The following SMAD6 variants were observed in gnomAD, a reference collection of about 807,000 sequenced individuals.
SMAD6 encodes MAD homolog 6.
A neutral mutation model predicts 39.4 loss-of-function variants in SMAD6; 103 were observed. The ratio of observed to expected loss-of-function variants is 2.62; its 90% CI spans 2.23 to 3.08. The LOEUF (loss-of-function observed/expected upper bound fraction) is 3.08, where lower values mean the gene tolerates loss of function less well. Ranked by LOEUF, SMAD6 falls within the 30% of genes most tolerant of loss-of-function variation. SMAD6 has a pLI of 0.00. For synonymous variants in SMAD6, 445 were observed against 353.3 expected (o/e 1.26, Z -2.91); for missense variants, 1,104 against 742.9 (o/e 1.49, Z -5.65).
In SMAD6 at chr15:66,774,833, ATTTATTTTATTTTATTTTATTTTAT is replaced by A. The variant is rs61441715; in HGVS notation, c.953-6145_953-6121del. Among the ~76,000 whole-genome samples the A allele has an allele frequency of 0.014, 2,031 of 146,174 alleles. 113 individuals carry two copies. In the East Asian group the frequency reaches 0.18, roughly 13 times the overall value. ...CTCCCCAGGGGTAACCACTATTCTG[ATTTATTTTATTTTATTTTATTTTAT>A]TTTATTTTATTTTATTTTTTGAGAC... On this transcript the variant is annotated intron_variant, in intron 3 of 3. Coordinates refer to ENST00000288840, the MANE Select transcript of SMAD6 (RefSeq NM_005585.5).
intron 3 of SMAD6, among the ~76,000 whole-genome samples, chr15:66,739,990 C>T (rs980908928): frequency 3.3e-5 from 5 of 152,158 alleles, no homozygotes; most frequent in Admixed American, 1.3e-4. Context: ...CTCAGCATTA[C>T]GTAAATATTT....
chr15:66,758,502 C>T (rs549651956), intron 3 of SMAD6, among the ~76,000 whole-genome samples: 18 of 152,244 alleles, frequency 1.2e-4, no homozygotes, highest in South Asian at 6.2e-4. Context: ...CCGAGGTGGA[C>T]GGATCATCTG....
At chr15:66,757,166 G>A (rs1894115182) in intron 3 of SMAD6, among the ~76,000 whole-genome samples, 1 of 152,110 alleles carries the variant, frequency 6.6e-6, no homozygotes, top group Admixed American at 6.5e-5. Context: ...TAATAGAGCG[G>A]GCTGGTGTGA....
chr15:66,748,025 A>G (rs112677596), intron 3 of SMAD6, among the ~76,000 whole-genome samples: 8 of 152,246 alleles, frequency 5.3e-5, no homozygotes, highest in Admixed American at 1.3e-4. Context: ...CCTTCCAATC[A>G]TGAGCCTCCC....
At chr15:66,712,099 T>C (rs1893243632) in intron 2 of SMAD6, among the ~76,000 whole-genome samples, 3 of 152,208 alleles carry the variant, frequency 2.0e-5, no homozygotes, top group Admixed American at 1.3e-4. Flanking sequence ...TATTCTCCTT[T>C]AGAGTGTATT....
In SMAD6 at chr15:66,727,065, C is replaced by G. The variant is rs187289873; in HGVS notation, c.952+10567C>G. Among the ~76,000 whole-genome samples the G allele has an allele frequency of 8.8e-4, 134 of 151,562 alleles. 1 individual carries two copies. Among genetic ancestry groups the G allele is most frequent in the African/African-American group, 3.1e-3 (130 of 41,286 alleles). On this transcript the variant is annotated intron_variant, in intron 3 of 3. Coordinates refer to ENST00000288840, the MANE Select transcript of SMAD6 (RefSeq NM_005585.5). The stretch of plus-strand genomic sequence containing the variant: ...GCATACATGGGATAAACAGCCTGTT[C>G]TTTTGTGAACTGTGCTGGCTCTTTT...
rs758261886 is a variant in SMAD6, at chr15:66,703,289, C to T, written c.31C>T (p.Arg11Trp). The T allele has an allele frequency of 3.4e-6, 5 of 1,490,300 alleles. No individual in the cohort carries two copies. The highest frequency in any genetic ancestry group is 2.3e-5 in the Admixed American group (1 of 42,672). 92.3% of individuals were successfully genotyped at this position (1,490,300 alleles called of 1,614,324 possible). Residue 11 changes from arginine to tryptophan, a missense_variant, in exon 1 of 4, where the codon CGG (arginine) becomes TGG (tryptophan). Arg to Trp is a moderately radical substitution (Grantham distance 101, BLOSUM62 -3). Coordinates refer to ENST00000288840, the MANE Select transcript of SMAD6 (RefSeq NM_005585.5). ...CAGGTCCAAACGCTCGGGGCTGGTG[C>T]GGCGACTTTGGCGAAGTCGTGTGGT... MFRSKRSGLV[R>W]RLWRSRVVPD...
chr15:66,709,467 G>C (rs1292668779), intron 1 of SMAD6, among the ~76,000 whole-genome samples: 1 of 152,138 alleles, frequency 6.6e-6, no homozygotes, highest in African/African-American at 2.4e-5. Flanking sequence ...TGAGTCCCAG[G>C]TAAGCAGCCC....
rs905185564 is a variant in SMAD6 at position 66,728,382 on chromosome 15, C to T, written c.952+11884C>T. ...AGCTTCTTTAACTCAACAGAATATT[C>T]GTGGGATTCATCCTTTTGTTTTTTT... On this transcript the variant is annotated intron_variant, in intron 3 of 3. Coordinates refer to ENST00000288840, the MANE Select transcript of SMAD6 (RefSeq NM_005585.5). Among the ~76,000 whole-genome samples, 4 of 151,406 alleles carry T rather than the reference C, an allele frequency of 2.6e-5. No individual in the cohort carries two copies. In the South Asian group the frequency reaches 6.3e-4, roughly 24 times the overall value.
intron 3 of SMAD6, among the ~76,000 whole-genome samples, chr15:66,734,021 T>C (rs908362779): frequency 2.0e-5 from 3 of 152,028 alleles, no homozygotes; most frequent in African/African-American, 7.3e-5. Flanking sequence ...CGAGCTGGGG[T>C]CCTGCACCCT....
intron 3 of SMAD6, among the ~76,000 whole-genome samples, chr15:66,768,055 G>A (rs1355015281): frequency 3.5e-5 from 5 of 143,922 alleles, no homozygotes; most frequent in South Asian, 2.2e-4. Context: ...CTGCAGCCTC[G>A]GCTTCCGAGG....
Position 66,766,258 on chromosome 15 carries a change from G to A in SMAD6, c.953-14739G>A, listed in dbSNP as rs886131458. 5.3e-5 allele frequency among the ~76,000 whole-genome samples: 8 copies of A among 152,312 alleles called. No individual in the cohort carries two copies. In the East Asian group the frequency reaches 1.4e-3, roughly 26 times the overall value. On this transcript the variant is annotated intron_variant, in intron 3 of 3. Transcript: ENST00000288840. The stretch of plus-strand genomic sequence containing the variant: ...CGTAGAGGAGGTGCAAGTCACAACC[G>A]TGGGAGATGTCAGGGAGAGGGACTG...
chr15:66,781,391 G>A lies in SMAD6; in HGVS notation c.1347G>A (p.Ala449=), dbSNP rs764124420. 2 of 1,601,768 alleles carry A rather than the reference G, an allele frequency of 1.2e-6. No homozygotes were observed. Among genetic ancestry groups the A allele is most frequent in the South Asian group, 1.1e-5 (1 of 90,908 alleles). ...FDFERSGLQH[A]PEPDAADGPY... is the part of the protein sequence containing the mutation. ...TCGAGCGCTCGGGCCTGCAGCACGC[G>A]CCCGAGCCCGACGCCGCCGACGGCC... Residue 449 remains alanine, a synonymous_variant, in exon 4 of 4, where the codon GCG becomes GCA. Transcript: ENST00000288840.
chr15:66,731,242 C>T (rs7175292), intron 3 of SMAD6, among the ~76,000 whole-genome samples: 107,987 of 151,098 alleles, frequency 0.71, 38,598 homozygotes, highest in East Asian at 0.84. Context: ...ATCGAGACCA[C>T]CCCGGCTAAA....
rs1040602191 is a variant in SMAD6, at chr15:66,741,406, G to A, written c.952+24908G>A. ...CTGTAGCAGACCCTGCTCTTAGGTG[G>A]GGAAGGTTTGTGTTTCATTAGGCTC... On this transcript the variant is annotated intron_variant, in intron 3 of 3. Coordinates refer to ENST00000288840, the MANE Select transcript of SMAD6 (RefSeq NM_005585.5). 2.0e-5 allele frequency among the ~76,000 whole-genome samples: 3 copies of A among 152,350 alleles called. No homozygotes were observed. The South Asian group carries it at 6.2e-4, about 32-fold the overall frequency.
intron 3 of SMAD6, among the ~76,000 whole-genome samples, chr15:66,769,985 G>T (rs903680234): frequency 6.6e-6 from 1 of 152,096 alleles, no homozygotes; most frequent in African/African-American, 2.4e-5. Flanking sequence ...CCGCCACCAC[G>T]CCCAGCTGAT....
chr15:66,755,786 C>T (rs2140653271), intron 3 of SMAD6, among the ~76,000 whole-genome samples: 1 of 152,330 alleles, frequency 6.6e-6, no homozygotes, highest in East Asian at 1.9e-4. Context: ...GCAGTGGCTG[C>T]TGTTGTCACC....
At chr15:66,775,252 T>C (rs928091586) in intron 3 of SMAD6, among the ~76,000 whole-genome samples, 4 of 152,182 alleles carry the variant, frequency 2.6e-5, no homozygotes, top group African/African-American at 9.7e-5. Flanking sequence ...GTCTGGCCTC[T>C]CGTGCTCAAT....
At chr15:66,736,709 C>G (rs1177285609) in intron 3 of SMAD6, among the ~76,000 whole-genome samples, 1 of 151,940 alleles carries the variant, frequency 6.6e-6, no homozygotes, top group Non-Finnish European at 1.5e-5. Flanking sequence ...GCTCTGGCAC[C>G]AGAGCGGAGT....
Sources: allele counts gnomAD v4.1 joint callset (sites outside exome capture counted in the v4.1 genomes callset), GRCh38; gene constraint gnomAD v4.1.1; transcripts MANE v1.5; gene names NCBI Gene and HGNC (gene_info 2026-07-23, HGNC 2026-07-21).